Variants in LUZP2 observed in about 807,000 individuals in gnomAD.
LUZP2 encodes the protein leucine zipper protein 2.
Under a neutral mutation model 51.6 loss-of-function variants are expected in LUZP2, and 52 were observed. The ratio of observed to expected loss-of-function variants is 1.01; its 90% CI spans 0.81 to 1.27. The LOEUF is 1.27. LUZP2 is among the 50% of genes most tolerant of loss of function. The pLI is 0.00. For missense variants in LUZP2, 436 were observed against 395.4 expected, an observed-to-expected ratio of 1.10 and a Z score of -0.87; for synonymous variants, 154 against 137.3, an observed-to-expected ratio of 1.12 and a Z score of -0.85.
At position 24,734,099 on chromosome 11, in the gene LUZP2, G is replaced by T. The variant is rs564284560; in HGVS notation, c.251+1911G>T. ...TATTGTGTTATTTCCTGGCTTTTAGGGAAATTACTCTGTCAAACCCATTCA... is the reference window on the plus strand; with the variant it reads ...TATTGTGTTATTTCCTGGCTTTTAGTGAAATTACTCTGTCAAACCCATTCA... On this transcript the variant is annotated intron_variant, in intron 3 of 11. Transcript: ENST00000336930. Among the ~76,000 whole-genome samples the T allele has an allele frequency of 1.8e-3, 268 of 151,768 alleles. 1 individual carries two copies. Among genetic ancestry groups the T allele is most frequent in the Non-Finnish European group, 7.8e-4 (53 of 67,798 alleles).
At chr11:24,709,757 T>A (rs1245883729) in intron 1 of LUZP2, among the ~76,000 whole-genome samples, 1 of 152,186 alleles carries the variant, frequency 6.6e-6, no homozygotes, top group Non-Finnish European at 1.5e-5. Flanking sequence ...TTTCTGCCAG[T>A]GTCATCGTTT....
At chr11:24,752,176 C>T (rs894585045) in intron 4 of LUZP2, among the ~76,000 whole-genome samples, 3 of 152,006 alleles carry the variant, frequency 2.0e-5, no homozygotes, top group Admixed American at 6.6e-5. Context: ...GAAACTTTAT[C>T]GTGCCATCGT....
chr11:24,520,388 C>T (rs888257969), intron 1 of LUZP2, among the ~76,000 whole-genome samples: 6 of 152,160 alleles, frequency 3.9e-5, no homozygotes, highest in African/African-American at 1.4e-4. Context: ...TGCATTTGGA[C>T]ACCATTTTGA....
At chr11:24,717,694 C>T (rs1236065185) in intron 1 of LUZP2, among the ~76,000 whole-genome samples, 1 of 151,856 alleles carries the variant, frequency 6.6e-6, no homozygotes, top group Non-Finnish European at 1.5e-5. Flanking sequence ...GGATTACAGG[C>T]GTGAGCCACC....
intron 1 of LUZP2, among the ~76,000 whole-genome samples, chr11:24,563,393 T>C (rs1852117416): frequency 6.6e-6 from 1 of 152,220 alleles, no homozygotes; most frequent in Non-Finnish European, 1.5e-5. Flanking sequence ...ATTATTACTA[T>C]TTGCAAGGGT....
chr11:24,666,712 A>G (rs570732020), intron 1 of LUZP2, among the ~76,000 whole-genome samples: 1 of 152,342 alleles, frequency 6.6e-6, no homozygotes, highest in South Asian at 2.1e-4. Flanking sequence ...TGGGAAGGGC[A>G]GTACCCACAG....
At chr11:24,930,301 AT>A (rs907741715) in intron 7 of LUZP2, among the ~76,000 whole-genome samples, 1 of 151,678 alleles carries the variant, frequency 6.6e-6, no homozygotes, top group Non-Finnish European at 1.5e-5. Flanking sequence ...GTTTTTTTTC[AT>A]TGTGTTATTG....
In LUZP2 at chr11:25,058,418, A is replaced by T. The variant is rs1339437558; in HGVS notation, c.858+8288A>T. ...TAACCGTGTTAATATATATTATAAA[A>T]ATCATTGGCCAAACAATAACGTGCA... On this transcript the variant is annotated intron_variant, in intron 10 of 11. Coordinates refer to ENST00000336930, the MANE Select transcript of LUZP2 (RefSeq NM_001009909.4). Among the ~76,000 whole-genome samples the T allele has an allele frequency of 2.0e-5, 3 of 152,310 alleles. No individual in the cohort carries two copies. The East Asian group carries it at 5.8e-4, about 29-fold the overall frequency.
chr11:24,539,455 C>G (rs1315434143), intron 1 of LUZP2, among the ~76,000 whole-genome samples: 1 of 151,852 alleles, frequency 6.6e-6, no homozygotes, highest in Non-Finnish European at 1.5e-5. Context: ...CCTATCTGAT[C>G]TTCTCTAAGT....
At chr11:24,826,620 G>A (rs4922695) in intron 5 of LUZP2, among the ~76,000 whole-genome samples, 112,765 of 151,436 alleles carry the variant, frequency 0.74, 42,835 homozygotes, top group Middle Eastern at 0.85. Flanking sequence ...ATAAAGCAAG[G>A]CAAACCAATT....
chr11:24,544,055 G>C (rs1038912577), intron 1 of LUZP2, among the ~76,000 whole-genome samples: 1 of 151,934 alleles, frequency 6.6e-6, no homozygotes, highest in African/African-American at 2.4e-5. Context: ...GCTGGTAGCA[G>C]TTGAGATATG....
chr11:24,819,234 G>T (rs1169160845), intron 5 of LUZP2, among the ~76,000 whole-genome samples: 1 of 152,032 alleles, frequency 6.6e-6, no homozygotes, highest in Non-Finnish European at 1.5e-5. Flanking sequence ...GGTATAGCTT[G>T]CCAGGAAATG....
chr11:24,982,149 T>C (rs1189876389), intron 8 of LUZP2, among the ~76,000 whole-genome samples: 3 of 151,876 alleles, frequency 2.0e-5, no homozygotes, highest in African/African-American at 7.2e-5. Context: ...GGAAGACTTA[T>C]GTAGTTAGTG....
intron 5 of LUZP2, among the ~76,000 whole-genome samples, chr11:24,893,652 A>G (rs1029309623): frequency 2.0e-5 from 3 of 152,124 alleles, no homozygotes; most frequent in African/African-American, 7.2e-5. Flanking sequence ...GAATATGGAA[A>G]GCGTTTTATT....
chr11:24,651,201 C>A (rs1460179980), intron 1 of LUZP2, among the ~76,000 whole-genome samples: 1 of 152,096 alleles, frequency 6.6e-6, no homozygotes, highest in African/African-American at 2.4e-5. Flanking sequence ...GGACCATAAA[C>A]TATACTCTTG....
intron 1 of LUZP2, among the ~76,000 whole-genome samples, chr11:24,592,885 G>C (rs1853308319): frequency 6.6e-6 from 1 of 152,178 alleles, no homozygotes; most frequent in Non-Finnish European, 1.5e-5. Flanking sequence ...TCTTTAAGTA[G>C]AATGCTCTAT....
intron 1 of LUZP2, among the ~76,000 whole-genome samples, chr11:24,709,011 G>A (rs1213851241): frequency 1.3e-5 from 2 of 152,162 alleles, no homozygotes; most frequent in Non-Finnish European, 1.5e-5. Flanking sequence ...GGACTGGTGT[G>A]TCATGTTTCT....
chr11:24,498,761 T>C (rs12225775), intron 1 of LUZP2, among the ~76,000 whole-genome samples: 15,841 of 152,250 alleles, frequency 0.1, 1,161 homozygotes, highest in East Asian at 0.38. Flanking sequence ...TTCACTCTTA[T>C]GTTGTGATTT....
At chr11:24,750,737 C>T (rs1859548304) in intron 4 of LUZP2, among the ~76,000 whole-genome samples, 1 of 152,132 alleles carries the variant, frequency 6.6e-6, no homozygotes, top group African/African-American at 2.4e-5. Context: ...TCCATGCCTA[C>T]TAGAACCATT....
Sources: gnomAD v4.1 joint callset for allele counts (sites outside exome capture counted in the v4.1 genomes callset) on GRCh38, gnomAD v4.1.1 for gene constraint, MANE v1.5 for transcripts, NCBI Gene and HGNC (gene_info 2026-07-23, HGNC 2026-07-21) for gene names.